Variants in DZANK1 observed in about 807,000 individuals in gnomAD.
The protein encoded by DZANK1 is double zinc ribbon and ankyrin repeat-containing protein 1.
A neutral mutation model predicts 94.5 loss-of-function variants in DZANK1; 91 were observed. The observed-to-expected ratio is 0.96, with a 90% CI of 0.81 to 1.15. DZANK1 has a LOEUF of 1.15. Among genes scored for constraint, DZANK1 ranks in the 50% most tolerant of loss-of-function variants. The pLI, the probability that DZANK1 is intolerant of heterozygous loss-of-function variation, is 0.00. For synonymous variants in DZANK1, 312 were observed against 325.3 expected, an observed-to-expected ratio of 0.96 and a Z score of 0.44; for missense variants, 903 against 916.4, an observed-to-expected ratio of 0.99 and a Z score of 0.19.
At chr20:18,394,404 T>C in intron 15 of DZANK1, 54 bp from the exon 16 acceptor site, 2 of 1,537,780 alleles carry the variant, frequency 1.3e-6, no homozygotes, top group East Asian at 2.3e-5. Flanking sequence ...TTTGTCCCAC[T>C]AGAAAGAAGG....
rs1313938081 is a variant in DZANK1, at chr20:18,455,376, TA to T, written c.264-16del. 6.4e-7 allele frequency: 1 copy of T among 1,553,762 alleles called. No individual in the cohort carries two copies. The highest frequency in any genetic ancestry group is 8.7e-7 in the Non-Finnish European group (1 of 1,143,418). ...GTCTGCAGTCTCTGAAAATTATTAT[TA>T]AGAAAGGAAAAAGTCTGTGTTACAC... On this transcript the variant is annotated splice_polypyrimidine_tract_variant and intron_variant, in intron 3 of 20. Coordinates refer to ENST00000262547, the Ensembl canonical transcript of DZANK1.
intron 13 of DZANK1, among the ~76,000 whole-genome samples, chr20:18,400,495 G>C (rs1373650906): frequency 6.6e-6 from 1 of 152,184 alleles, no homozygotes; most frequent in East Asian, 1.9e-4. Context: ...GCCTTCTCCT[G>C]CTCTGAAGTT....
intron 19 of DZANK1, among the ~76,000 whole-genome samples, chr20:18,385,845 C>G (rs974497593): frequency 6.6e-6 from 1 of 152,114 alleles, no homozygotes; most frequent in Non-Finnish European, 1.5e-5. Context: ...AGGGGGCAGG[C>G]CTGAGAGGTC....
chr20:18,399,375 A>G (rs1184193018), intron 13 of DZANK1, among the ~76,000 whole-genome samples: 1 of 152,038 alleles, frequency 6.6e-6, no homozygotes, highest in African/African-American at 2.4e-5. Flanking sequence ...AAATTCAAGC[A>G]CGCACCACAA....
rs562318536 is a variant in DZANK1, at chr20:18,428,028, G to A, written c.862-869C>T. 3.3e-5 allele frequency among the ~76,000 whole-genome samples: 5 copies of A among 151,558 alleles called. No individual in the cohort carries two copies. The East Asian group carries it at 8.0e-4, about 24-fold the overall frequency. ...TAGCCGAGTGTGGTGGTGGGCGCCT[G>A]TAGTCCCAGCTGCTGGGGAGGCTGA... On this transcript the variant is annotated intron_variant, in intron 9 of 20. Transcript: ENST00000262547.
chr20:18,405,473 T>C (rs1448421812), intron 13 of DZANK1, among the ~76,000 whole-genome samples: 1 of 152,108 alleles, frequency 6.6e-6, no homozygotes, highest in Non-Finnish European at 1.5e-5. Flanking sequence ...TGGAAGCTAT[T>C]GAGCATGCCA....
chr20:18,434,096 GAAAAT>G (rs1022637904), intron 8 of DZANK1, among the ~76,000 whole-genome samples: 2 of 149,968 alleles, frequency 1.3e-5, no homozygotes, highest in Admixed American at 6.6e-5. Flanking sequence ...GTAAATAATA[GAAAAT>G]AAAATAACAA....
intron 17 of DZANK1, among the ~76,000 whole-genome samples, chr20:18,391,961 A>G (rs1471080708): frequency 2.0e-5 from 3 of 152,258 alleles, no homozygotes; most frequent in Non-Finnish European, 4.4e-5. Flanking sequence ...GTGTACTAGA[A>G]TGCAGTAGGC....
chr20:18,404,304 C>G (rs1426951481), intron 13 of DZANK1, among the ~76,000 whole-genome samples: 13 of 152,092 alleles, frequency 8.5e-5, no homozygotes, highest in Admixed American at 8.5e-4. Context: ...TGGTTGAAAA[C>G]AATACAGGAA....
At chr20:18,449,009 T>C in exon 7 of DZANK1, 2 of 1,613,942 alleles carry the variant, frequency 1.2e-6, no homozygotes, top group Non-Finnish European at 1.7e-6. Context: ...TCCCTTTGAA[T>C]TCTCATTATC....
chr20:18,412,374 G>A (rs1398261115), intron 13 of DZANK1, among the ~76,000 whole-genome samples: 1 of 152,140 alleles, frequency 6.6e-6, no homozygotes, highest in East Asian at 1.9e-4. Flanking sequence ...ACAACATGCC[G>A]TCACGACAAA....
intron 5 of DZANK1, among the ~76,000 whole-genome samples, 158 bp downstream of exon 5, chr20:18,453,573 C>A (rs2148764672): frequency 6.6e-6 from 1 of 152,252 alleles, no homozygotes; most frequent in Non-Finnish European, 1.5e-5. Context: ...AAGCTGTAAG[C>A]AAGGACGTCA....
Position 18,434,723 on chromosome 20 carries a change from T to C in DZANK1, c.748-958A>G, listed in dbSNP as rs193168416. Among the ~76,000 whole-genome samples the C allele has an allele frequency of 2.4e-3, 362 of 152,088 alleles. 5 individuals carry two copies. The highest frequency in any genetic ancestry group is 0.02 in the Admixed American group (304 of 15,280). On this transcript the variant is annotated intron_variant, in intron 8 of 20. Transcript: ENST00000262547. The stretch of plus-strand genomic sequence containing the variant: ...GTTGTTGCCTGGGCTGCCCCCTCCT[T>C]CTCTAACTCTGTCAGTGTGGTAGTT...
intron 8 of DZANK1, among the ~76,000 whole-genome samples, chr20:18,438,218 C>CA (rs761846698): frequency 0.31 from 17,990 of 57,512 alleles, 3,975 homozygotes; most frequent in East Asian, 0.7. Context: ...GACTCTGTCT[C>CA]AAAAAAAAAA....
intron 19 of DZANK1, among the ~76,000 whole-genome samples, chr20:18,388,408 G>T (rs939804142): frequency 6.6e-6 from 1 of 152,202 alleles, no homozygotes; most frequent in Non-Finnish European, 1.5e-5. Context: ...AAGGCAATCT[G>T]TTCAATGCCC....
chr20:18,451,691 C>T (rs779734387), intron 6 of DZANK1, among the ~76,000 whole-genome samples: 4 of 152,090 alleles, frequency 2.6e-5, no homozygotes, highest in Non-Finnish European at 4.4e-5. Flanking sequence ...CTCATCTTTT[C>T]CAGCTTTGTC....
intron 8 of DZANK1, among the ~76,000 whole-genome samples, chr20:18,436,601 G>A (rs2058535998): frequency 6.6e-6 from 1 of 152,080 alleles, no homozygotes; most frequent in Non-Finnish European, 1.5e-5. Context: ...AAAAACGTAT[G>A]GGGCAAAATC....
chr20:18,432,874 TATG>T (rs1252694585), intron 9 of DZANK1: 3 of 152,250 alleles, frequency 2.0e-5, no homozygotes, highest in South Asian at 4.1e-4. Context: ...ATGTTCACAG[TATG>T]ATATCATTTT....
intron 8 of DZANK1, among the ~76,000 whole-genome samples, chr20:18,440,838 G>A (rs1368275862): frequency 6.6e-6 from 1 of 152,182 alleles, no homozygotes; most frequent in Non-Finnish European, 1.5e-5. Context: ...CTCTATCTGA[G>A]TTTCAGGGTC....
Sources: allele counts gnomAD v4.1 joint callset (sites outside exome capture counted in the v4.1 genomes callset), GRCh38; gene constraint gnomAD v4.1.1; transcripts MANE v1.5; gene names NCBI Gene and HGNC (gene_info 2026-07-23, HGNC 2026-07-21).